FAM171A1: variants seen among roughly 807,000 people sequenced by gnomAD.
FAM171A1 encodes the protein protein FAM171A1.
A neutral mutation model predicts 74.9 loss-of-function variants in FAM171A1; 23 were observed. The ratio of observed to expected loss-of-function variants is 0.31; its 90% CI spans 0.22 to 0.44. The LOEUF (loss-of-function observed/expected upper bound fraction) is 0.44. Ranked by LOEUF, FAM171A1 falls within the 20% of genes least tolerant of loss-of-function variation. FAM171A1 has a pLI of 1.00. For missense variants in FAM171A1, 1,162 were observed against 1,159.2 expected (o/e 1.00, Z -0.03); for synonymous variants, 527 against 505.7 (o/e 1.04, Z -0.57).
intron 1 of FAM171A1, among the ~76,000 whole-genome samples, chr10:15,321,950 T>G (rs111841496): frequency 6.6e-6 from 1 of 152,246 alleles, no homozygotes; most frequent in African/African-American, 2.4e-5. Context: ...TAGTAGATAC[T>G]GTTGCTGACT....
chr10:15,227,829 T>C (rs540892398), intron 5 of FAM171A1, among the ~76,000 whole-genome samples: 12 of 152,354 alleles, frequency 7.9e-5, no homozygotes, highest in African/African-American at 2.4e-4. Context: ...TAAAGCATCA[T>C]GCATTCTTAA....
In FAM171A1 at chr10:15,213,787, G is replaced by C; in HGVS notation, c.1801C>G (p.Leu601Val). The change falls in exon 8 of 8, where the codon CTC becomes GTC. Residue 601 changes from leucine (L) to valine (V), a missense_variant. Transcript: ENST00000378116. The surrounding 1 kb of genome is among the most constrained non-coding windows in gnomAD (Gnocchi z 6.8). ...PGDHSYVSQP[L>V]VVPADQQLEI... ...AGCTGCTGATCAGCCGGGACGACGA[G>C]GGGCTGGCTGACATAGGAGTGGTCC... 1.9e-6 allele frequency: 3 copies of C among 1,614,202 alleles called. No individual in the cohort carries two copies. Among genetic ancestry groups the C allele is most frequent in the Non-Finnish European group, 2.5e-6 (3 of 1,180,030 alleles).
At position 15,228,570 on chromosome 10, in the gene FAM171A1, C is replaced by A. The variant is rs189303442; in HGVS notation, c.755-7510G>T. Among the ~76,000 whole-genome samples, 139 of 152,266 alleles carry A rather than the reference C, an allele frequency of 9.1e-4. 2 individuals are homozygous for A. Among genetic ancestry groups the A allele is most frequent in the Admixed American group, 9.0e-3 (138 of 15,300 alleles). On this transcript the variant is annotated intron_variant, in intron 5 of 7. Transcript: ENST00000378116. Reference sequence around the variant, plus strand: ...TGCTTCTCAGGCTGGTCGCAAACTCCTGGGCTCAAGTGATCCTCCTCCTGC... The same window carrying A: ...TGCTTCTCAGGCTGGTCGCAAACTCATGGGCTCAAGTGATCCTCCTCCTGC...
At chr10:15,222,497 A>G (rs1399495447) in intron 5 of FAM171A1, among the ~76,000 whole-genome samples, 1 of 152,214 alleles carries the variant, frequency 6.6e-6, no homozygotes, top group Non-Finnish European at 1.5e-5. Context: ...AAGGTACAGT[A>G]AAAATACAGA....
intron 5 of FAM171A1, among the ~76,000 whole-genome samples, chr10:15,225,144 G>A (rs899102393): frequency 1.3e-4 from 20 of 152,180 alleles, no homozygotes; most frequent in Non-Finnish European, 2.4e-4. Flanking sequence ...TTCTTAGATC[G>A]TAAACTCCAT....
chr10:15,371,311 C>A (rs1016213717), upstream of FAM171A1, among the ~76,000 whole-genome samples: 1 of 145,882 alleles, frequency 6.9e-6, no homozygotes, highest in South Asian at 2.1e-4. Flanking sequence ...GCCTCGCCCG[C>A]CGCCGCCGCC....
At chr10:15,265,629 AG>A (rs1834730239) in intron 3 of FAM171A1, among the ~76,000 whole-genome samples, 1 of 141,086 alleles carries the variant, frequency 7.1e-6, no homozygotes, top group Admixed American at 7.1e-5. Context: ...TAGTCTATGT[AG>A]GAAGTACAAA....
At chr10:15,215,823 T>C (rs1160140892) in intron 7 of FAM171A1, among the ~76,000 whole-genome samples, 173 bp downstream of exon 7, 2 of 152,182 alleles carry the variant, frequency 1.3e-5, no homozygotes, top group Non-Finnish European at 2.9e-5. Flanking sequence ...ATACTATTTG[T>C]TAAGTTGCAA....
intron 1 of FAM171A1, among the ~76,000 whole-genome samples, chr10:15,333,179 T>G (rs1835661186): frequency 6.6e-6 from 1 of 152,178 alleles, no homozygotes; most frequent in Non-Finnish European, 1.5e-5. Flanking sequence ...GTTTGGGTCC[T>G]GGGAACTGGG....
intron 1 of FAM171A1, among the ~76,000 whole-genome samples, chr10:15,334,771 G>T (rs1266686511): frequency 6.6e-6 from 1 of 152,178 alleles, no homozygotes; most frequent in Non-Finnish European, 1.5e-5. Flanking sequence ...ATACTATCTT[G>T]AGTCTCCAAA....
At chr10:15,223,624 G>T (rs987828928) in intron 5 of FAM171A1, among the ~76,000 whole-genome samples, 24 of 152,046 alleles carry the variant, frequency 1.6e-4, no homozygotes, top group Middle Eastern at 3.4e-3. Context: ...ATTGGCTGGG[G>T]GTGGTGGCTC....
Position 15,213,233 on chromosome 10 carries a change from G to A in FAM171A1, c.2355C>T (p.Tyr785=). 1 of 1,614,136 alleles carries A rather than the reference G, an allele frequency of 6.2e-7. No individual in the cohort carries two copies. ...CGTCATCCAGGTACACGAGCTGCGT[G>A]TAGGCCGTGCTGTCTGGGGCTCGAG... ...KEPRAPDSTA[Y]TQLVYLDDVE... is the part of the protein sequence containing the mutation. The change falls in exon 8 of 8, where the codon TAC becomes TAT. Residue 785 remains tyrosine, a synonymous_variant. Transcript: ENST00000378116. This position sits in a 1 kb window ranked among gnomAD's most constrained non-coding sequence, Gnocchi z 6.8.
intron 3 of FAM171A1, among the ~76,000 whole-genome samples, chr10:15,271,676 C>T (rs1176014760): frequency 2.0e-5 from 3 of 152,196 alleles, no homozygotes; most frequent in Admixed American, 2.0e-4. Context: ...AGACTAACAG[C>T]AGGTCTCTCG....
At chr10:15,293,485 C>T (rs376351821) in intron 1 of FAM171A1, among the ~76,000 whole-genome samples, 2 of 151,098 alleles carry the variant, frequency 1.3e-5, no homozygotes, top group African/African-American at 2.4e-5. Context: ...TACGGTTTTG[C>T]GGGGAGGAAA....
intron 2 of FAM171A1, among the ~76,000 whole-genome samples, chr10:15,276,604 C>T (rs953029524): frequency 5.3e-5 from 8 of 152,204 alleles, no homozygotes; most frequent in East Asian, 3.8e-4. Flanking sequence ...TTTAAAAATA[C>T]GTGTCTAGGT....
intron 4 of FAM171A1, among the ~76,000 whole-genome samples, 154 bp from the exon 5 acceptor site, chr10:15,248,969 G>C (rs1834472674): frequency 1.3e-5 from 2 of 152,128 alleles, no homozygotes. Context: ...CCACAACCCA[G>C]TAAGGCAGGT....
intron 1 of FAM171A1, among the ~76,000 whole-genome samples, chr10:15,313,436 G>A (rs1024452990): frequency 6.6e-6 from 1 of 152,060 alleles, no homozygotes; most frequent in Non-Finnish European, 1.5e-5. Flanking sequence ...CTTAACTCTG[G>A]CACCAAGGGT....
chr10:15,332,864 A>G (rs993649648), intron 1 of FAM171A1, among the ~76,000 whole-genome samples: 3 of 152,114 alleles, frequency 2.0e-5, no homozygotes, highest in African/African-American at 7.2e-5. Context: ...ATCCCTGGGC[A>G]ATCTAATGGT....
At chr10:15,280,748 A>G (rs181755925) in intron 2 of FAM171A1, among the ~76,000 whole-genome samples, 90 of 152,356 alleles carry the variant, frequency 5.9e-4, no homozygotes, top group African/African-American at 2.1e-3. Context: ...ATATTTTAGA[A>G]GAGGCTCCCA....
Sources: gnomAD v4.1 joint callset for allele counts (sites outside exome capture counted in the v4.1 genomes callset) on GRCh38, gnomAD v4.1.1 for gene constraint, Gnocchi (gnomAD v3.1) non-coding constraint, MANE v1.5 for transcripts, NCBI Gene and HGNC (gene_info 2026-07-23, HGNC 2026-07-21) for gene names.